FAM227B: variants seen among roughly 807,000 people sequenced by gnomAD.
The protein encoded by FAM227B is family with sequence similarity 227 member B.
Under a neutral mutation model 73.8 loss-of-function variants are expected in FAM227B, and 88 were observed. The observed-to-expected ratio is 1.19, with a 90% CI of 1.00 to 1.42. The LOEUF (loss-of-function observed/expected upper bound fraction) is 1.42, where lower values mean the gene tolerates loss of function less well. Ranked by LOEUF, FAM227B falls within the 40% of genes most tolerant of loss-of-function variation. FAM227B has a pLI of 0.00. For missense variants in FAM227B, 632 were observed against 590.9 expected (o/e 1.07, Z -0.72); for synonymous variants, 210 against 190.5 (o/e 1.10, Z -0.84).
chr15:49,375,185 G>A (rs1350841616), intron 11 of FAM227B, among the ~76,000 whole-genome samples: 1 of 152,120 alleles, frequency 6.6e-6, no homozygotes, highest in Non-Finnish European at 1.5e-5. Context: ...TACAGTCCAA[G>A]TGTTTATACA....
At chr15:49,346,607 T>C (rs1003397902) in intron 13 of FAM227B, among the ~76,000 whole-genome samples, 8 of 152,166 alleles carry the variant, frequency 5.3e-5, no homozygotes, top group African/African-American at 1.9e-4. Flanking sequence ...ACCTCGGTGA[T>C]AACAGAATGA....
At position 49,367,612 on chromosome 15, in the gene FAM227B, T is replaced by G; in HGVS notation, c.1111-4A>C. The G allele has an allele frequency of 6.5e-7, 1 of 1,540,548 alleles. No individual in the cohort carries two copies. Among genetic ancestry groups the G allele is most frequent in the Non-Finnish European group, 8.6e-7 (1 of 1,157,024 alleles). The stretch of plus-strand genomic sequence containing the variant: ...GACCAGTACTACTATAGTGCGACTG[T>G]AAGAGGAAGAAAATAATCAAGACAA... On this transcript the variant is annotated splice_region_variant and splice_polypyrimidine_tract_variant and intron_variant, in intron 12 of 15. Transcript: ENST00000299338.
intron 3 of FAM227B, among the ~76,000 whole-genome samples, chr15:49,607,610 G>A (rs35972930): frequency 1.6e-3 from 249 of 152,248 alleles, no homozygotes; most frequent in Non-Finnish European, 2.3e-3. Context: ...CTTTATGTCA[G>A]ACTTGTTATA....
At chr15:49,350,286 A>G (rs922527295) in intron 13 of FAM227B, among the ~76,000 whole-genome samples, 4 of 152,168 alleles carry the variant, frequency 2.6e-5, no homozygotes, top group African/African-American at 9.7e-5. Flanking sequence ...CTTATACTTA[A>G]TTTCATTAAT....
chr15:49,499,373 A>G lies in FAM227B; in HGVS notation c.1012+8838T>C, dbSNP rs550919219. ...AAAAAGATGTGTCTGTATAGTAAAA[A>G]CTAGAAAACATTGCTGAGAAAAATT... On this transcript the variant is annotated intron_variant, in intron 11 of 15. Coordinates refer to ENST00000299338, the MANE Select transcript of FAM227B (RefSeq NM_152647.3). Among the ~76,000 whole-genome samples, 7 of 152,206 alleles carry G rather than the reference A, an allele frequency of 4.6e-5. No homozygotes were observed. The East Asian group carries it at 1.2e-3, about 25-fold the overall frequency.
chr15:49,489,862 A>ATATATATATATATATTT lies in FAM227B; in HGVS notation c.1012+18348_1012+18349insAAATATATATATATATA, dbSNP rs1567382945. 4.7e-3 allele frequency among the ~76,000 whole-genome samples: 30 copies of ATATATATATATATATTT among 6,388 alleles called. 2 individuals are homozygous for ATATATATATATATATTT. Among genetic ancestry groups the ATATATATATATATATTT allele is most frequent in the South Asian group, 0.012 (2 of 170 alleles). 4.2% of individuals were successfully genotyped at this position (6,388 alleles called of 152,430 possible). ...TATTTTATATATATATATATATTTT[A>ATATATATATATATATTT]TATATATATATATATATATATAGAG... On this transcript the variant is annotated intron_variant, in intron 11 of 15. Transcript: ENST00000299338.
At chr15:49,477,692 C>T (rs991989675) in intron 11 of FAM227B, among the ~76,000 whole-genome samples, 3 of 152,252 alleles carry the variant, frequency 2.0e-5, no homozygotes, top group Admixed American at 1.3e-4. Flanking sequence ...GGGCAAAAAC[C>T]TGGGGGCATG....
intron 6 of FAM227B, 151 bp downstream of exon 6, chr15:49,577,478 G>A (rs1261545852): frequency 1.4e-5 from 7 of 513,092 alleles, no homozygotes. Context: ...TAAAGACTAG[G>A]CAGAAAGAGA....
intron 11 of FAM227B, among the ~76,000 whole-genome samples, chr15:49,390,054 G>A (rs1173130943): frequency 1.3e-5 from 2 of 152,048 alleles, no homozygotes; most frequent in Admixed American, 1.3e-4. Flanking sequence ...CACAAGGTTG[G>A]ACTGCAAACT....
chr15:49,461,838 T>C (rs572387254), intron 11 of FAM227B, among the ~76,000 whole-genome samples: 2 of 152,326 alleles, frequency 1.3e-5, no homozygotes, highest in African/African-American at 2.4e-5. Flanking sequence ...TATCTACATA[T>C]GGTTACTAGG....
chr15:49,365,280 C>G lies in FAM227B; in HGVS notation c.1271+2168G>C, dbSNP rs1233634392. On this transcript the variant is annotated intron_variant, in intron 13 of 15. Transcript: ENST00000299338. ...GAGGCAATAATAAGTGTGCAAGTTA[C>G]TAAATAGAGGAGAGCAGGTTGCCCC... 1.3e-5 allele frequency: 19 copies of G among 1,478,568 alleles called. No homozygotes were observed. In the East Asian group the frequency reaches 1.8e-4, roughly 14 times the overall value. The allele number at this position is 1,478,568 out of a possible 1,614,324, so 91.6% of individuals were successfully genotyped here.
intron 11 of FAM227B, among the ~76,000 whole-genome samples, chr15:49,413,340 G>T (rs1426333875): frequency 6.6e-6 from 1 of 151,976 alleles, no homozygotes; most frequent in Non-Finnish European, 1.5e-5. Context: ...GCTACCATCT[G>T]TGTAAGACCT....
Position 49,615,129 on chromosome 15 carries a change from C to T in FAM227B, c.43G>A (p.Gly15Ser). 6.2e-7 allele frequency: 1 copy of T among 1,614,028 alleles called. No individual in the cohort carries two copies. The highest frequency in any genetic ancestry group is 8.5e-7 in the Non-Finnish European group (1 of 1,179,890). ...RTCQRRSSRA[G>S]PGKMQEPPKS... The stretch of plus-strand genomic sequence containing the variant: ...TGTGGAAGCTTCCTTACCCCGGGGC[C>T]AGCTCTGCTGCTCCTCCTTTGACAT... The change falls in exon 2 of 16, where the codon GGC becomes AGC. Residue 15 changes from glycine to serine, a missense_variant. Coordinates refer to ENST00000299338, the MANE Select transcript of FAM227B (RefSeq NM_152647.3).
chr15:49,589,401 C>T (rs1292863708), intron 4 of FAM227B, among the ~76,000 whole-genome samples: 1 of 152,048 alleles, frequency 6.6e-6, no homozygotes, highest in African/African-American at 2.4e-5. Context: ...TGTTTTAAGG[C>T]TTTGTTTTAG....
chr15:49,402,239 T>C (rs1487283230), intron 11 of FAM227B, among the ~76,000 whole-genome samples: 1 of 152,178 alleles, frequency 6.6e-6, no homozygotes, highest in Non-Finnish European at 1.5e-5. Flanking sequence ...GATGTGTATA[T>C]GGCTCTTCTT....
At chr15:49,412,153 A>T (rs2048910537) in intron 11 of FAM227B, among the ~76,000 whole-genome samples, 1 of 152,112 alleles carries the variant, frequency 6.6e-6, no homozygotes. Flanking sequence ...TAGGCTAAGA[A>T]ATGAAAGCTA....
intron 10 of FAM227B, among the ~76,000 whole-genome samples, chr15:49,518,605 A>G (rs2059554235): frequency 6.6e-6 from 1 of 152,194 alleles, no homozygotes; most frequent in Non-Finnish European, 1.5e-5. Context: ...GATCACGTTC[A>G]GGGGAACAGC....
At chr15:49,358,849 T>C (rs2043659662) in intron 13 of FAM227B, among the ~76,000 whole-genome samples, 1 of 151,690 alleles carries the variant, frequency 6.6e-6, no homozygotes, top group Admixed American at 6.6e-5. Flanking sequence ...ACTACAAGGC[T>C]ACAGTAACCA....
At position 49,617,487 on chromosome 15, in the gene FAM227B, A is replaced by G. The variant is rs117650570; in HGVS notation, c.-72-2244T>C. Among the ~76,000 whole-genome samples the G allele has an allele frequency of 2.8e-4, 42 of 152,344 alleles. 2 individuals carry two copies. The East Asian group carries it at 7.9e-3, about 29-fold the overall frequency. On this transcript the variant is annotated intron_variant, in intron 1 of 15. Transcript: ENST00000299338. Reference sequence around the variant, plus strand: ...GAAATCTTCTAGAAACTAGAACAAAAATGTTAAAGTAAACAAGAATCAGAG... The same window carrying G: ...GAAATCTTCTAGAAACTAGAACAAAGATGTTAAAGTAAACAAGAATCAGAG...
Sources: gnomAD v4.1 joint callset for allele counts (sites outside exome capture counted in the v4.1 genomes callset) on GRCh38, gnomAD v4.1.1 for gene constraint, MANE v1.5 for transcripts, NCBI Gene and HGNC (gene_info 2026-07-23, HGNC 2026-07-21) for gene names.